FGGY: variants seen among roughly 807,000 people sequenced by gnomAD.
FGGY encodes FGGY carbohydrate kinase domain-containing protein.
A neutral mutation model predicts 71.3 loss-of-function variants in FGGY; 72 were observed. The observed-to-expected ratio is 1.01, with a 90% CI of 0.84 to 1.23. FGGY has a LOEUF of 1.23. Ranked by LOEUF, FGGY falls within the 50% of genes most tolerant of loss-of-function variation. The probability of loss-of-function intolerance (pLI) is 0.00; values close to 1 mark genes in which losing one functional copy is unlikely to be tolerated. For missense variants in FGGY, 668 were observed against 682.3 expected (o/e 0.98, Z 0.23); for synonymous variants, 251 against 250.3 (o/e 1.00, Z -0.02).
intron 8 of FGGY, among the ~76,000 whole-genome samples, chr1:59,567,267 T>G (rs1012931198): frequency 5.3e-5 from 8 of 152,272 alleles, no homozygotes; most frequent in African/African-American, 1.9e-4. Context: ...TCACACAATT[T>G]TATCTGTGCA....
chr1:59,481,931 TGAAAA>T (rs1278983110), intron 6 of FGGY, among the ~76,000 whole-genome samples: 1 of 152,172 alleles, frequency 6.6e-6, no homozygotes, highest in Admixed American at 6.5e-5. Context: ...AAAACCGACA[TGAAAA>T]GAAAGTCTGA....
intron 8 of FGGY, among the ~76,000 whole-genome samples, chr1:59,605,428 A>T (rs1259992445): frequency 6.6e-6 from 1 of 152,130 alleles, no homozygotes; most frequent in African/African-American, 2.4e-5. Context: ...GAGTACAGGC[A>T]CTATGCTCTT....
intron 5 of FGGY, among the ~76,000 whole-genome samples, chr1:59,400,432 C>A (rs1050627494): frequency 6.6e-6 from 1 of 152,122 alleles, no homozygotes; most frequent in Non-Finnish European, 1.5e-5. Flanking sequence ...TCCTTCATAG[C>A]CTCAAAACTT....
chr1:59,735,275 G>C (rs2098090395), intron 14 of FGGY, among the ~76,000 whole-genome samples: 1 of 152,160 alleles, frequency 6.6e-6, no homozygotes, highest in Non-Finnish European at 1.5e-5. Context: ...TGAGGTAAGA[G>C]GTTTAGGCCT....
chr1:59,331,014 G>A (rs1175096201), intron 2 of FGGY, among the ~76,000 whole-genome samples: 2 of 151,864 alleles, frequency 1.3e-5, no homozygotes, highest in African/African-American at 2.4e-5. Context: ...CTGGGACCAC[G>A]TCTCTCTTGA....
Position 59,690,109 on chromosome 1 carries a change from A to G in FGGY, c.1512+15976A>G, listed in dbSNP as rs184001342. Reference sequence around the variant, plus strand: ...AGAGGCTGGAGGAGAAATTTATAGAAAATCCTAAAATGGAAATTGAAGCAA... The same window carrying G: ...AGAGGCTGGAGGAGAAATTTATAGAGAATCCTAAAATGGAAATTGAAGCAA... On this transcript the variant is annotated intron_variant, in intron 14 of 15. Coordinates refer to ENST00000303721, the MANE Select transcript of FGGY (RefSeq NM_018291.5). 1.4e-3 allele frequency among the ~76,000 whole-genome samples: 206 copies of G among 152,322 alleles called. 1 individual carries two copies. The highest frequency in any genetic ancestry group is 4.8e-3 in the African/African-American group (200 of 41,566).
intron 14 of FGGY, among the ~76,000 whole-genome samples, chr1:59,685,975 TTA>T (rs535780510): frequency 6.6e-6 from 1 of 152,244 alleles, no homozygotes; most frequent in Non-Finnish European, 1.5e-5. Flanking sequence ...ACATTTTTCC[TTA>T]TACCAAATTC....
At chr1:59,406,863 C>T (rs564549232) in intron 5 of FGGY, among the ~76,000 whole-genome samples, 81 of 152,256 alleles carry the variant, frequency 5.3e-4, no homozygotes, top group African/African-American at 1.9e-3. Context: ...ATATATTTAG[C>T]AATTATGATA....
At chr1:59,305,586 T>C (rs1473347411) in intron 1 of FGGY, among the ~76,000 whole-genome samples, 1 of 152,212 alleles carries the variant, frequency 6.6e-6, no homozygotes, top group Non-Finnish European at 1.5e-5. Flanking sequence ...AAAATGAGTG[T>C]GGAAGTATTC....
chr1:59,641,330 C>A (rs765241687), intron 11 of FGGY: 2 of 1,610,804 alleles, frequency 1.2e-6, no homozygotes, highest in Non-Finnish European at 1.7e-6. Context: ...TGCACTCTCC[C>A]AGTTCTCTAC....
At chr1:59,324,596 G>C (rs1372939559) in intron 2 of FGGY, among the ~76,000 whole-genome samples, 1 of 152,148 alleles carries the variant, frequency 6.6e-6, no homozygotes, top group Non-Finnish European at 1.5e-5. Flanking sequence ...TTTTAAGGTA[G>C]TTTTGATTGT....
chr1:59,436,372 G>C (rs760089183), intron 5 of FGGY, among the ~76,000 whole-genome samples: 11 of 151,928 alleles, frequency 7.2e-5, no homozygotes, highest in Non-Finnish European at 1.5e-4. Flanking sequence ...CCAAGCCCAT[G>C]GACTAGACTA....
intron 4 of FGGY, among the ~76,000 whole-genome samples, chr1:59,365,738 G>A (rs2056469450): frequency 6.6e-6 from 1 of 152,192 alleles, no homozygotes; most frequent in African/African-American, 2.4e-5. Context: ...CTGCCTTGAA[G>A]AATTATACAG....
intron 7 of FGGY, among the ~76,000 whole-genome samples, chr1:59,517,254 C>CTTTTT (rs57951011): frequency 8.0e-5 from 7 of 87,628 alleles, no homozygotes; most frequent in African/African-American, 1.7e-4. Flanking sequence ...CTCAGTTGCT[C>CTTTTT]TTTTTTTTTT....
intron 5 of FGGY, among the ~76,000 whole-genome samples, chr1:59,401,291 C>T (rs1318186644): frequency 6.6e-6 from 1 of 152,022 alleles, no homozygotes; most frequent in East Asian, 1.9e-4. Flanking sequence ...GGTTTTTTCA[C>T]CCTAGATTAG....
chr1:59,457,270 T>C (rs1024011637), intron 6 of FGGY, among the ~76,000 whole-genome samples, 194 bp downstream of exon 6: 10 of 152,176 alleles, frequency 6.6e-5, no homozygotes, highest in South Asian at 2.1e-4. Flanking sequence ...AAGATTTATA[T>C]GAACTGAGTA....
intron 14 of FGGY, among the ~76,000 whole-genome samples, chr1:59,750,216 G>T (rs1052974521): frequency 6.6e-6 from 1 of 152,094 alleles, no homozygotes; most frequent in Non-Finnish European, 1.5e-5. Context: ...GAATTATAAA[G>T]CTTCCACTCC....
At chr1:59,397,053 AAAG>A (rs1431314192) in intron 5 of FGGY, among the ~76,000 whole-genome samples, 10 of 150,468 alleles carry the variant, frequency 6.6e-5, no homozygotes, top group African/African-American at 2.5e-4. Flanking sequence ...TTTTTTTTTA[AAAG>A]AAAGGTATCT....
chr1:59,538,024 G>A (rs2095363310), intron 7 of FGGY, among the ~76,000 whole-genome samples: 1 of 152,108 alleles, frequency 6.6e-6, no homozygotes, highest in Non-Finnish European at 1.5e-5. Flanking sequence ...AAGAGCTTCT[G>A]CACAGCAAAA....
Sources: gnomAD v4.1 joint callset for allele counts (sites outside exome capture counted in the v4.1 genomes callset) on GRCh38, gnomAD v4.1.1 for gene constraint, MANE v1.5 for transcripts, NCBI Gene and HGNC (gene_info 2026-07-23, HGNC 2026-07-21) for gene names.